Variants in LRPPRC observed in about 807,000 individuals in gnomAD.
LRPPRC encodes the protein leucine rich pentatricopeptide repeat containing, also known as leucine-rich PPR motif-containing protein, mitochondrial.
LRPPRC carries 120 observed loss-of-function variants against 180.3 expected under a neutral mutation model. That is an observed-to-expected ratio of 0.67 (90% confidence interval 0.57 to 0.77). The LOEUF is 0.77. LRPPRC is among the 30% of genes least tolerant of loss of function. LRPPRC has a pLI of 0.00. For missense variants in LRPPRC, 2,012 were observed against 1,657.2 expected, an observed-to-expected ratio of 1.21 and a Z score of -3.72; for synonymous variants, 723 against 600.0, an observed-to-expected ratio of 1.21 and a Z score of -3.00.
At chr2:43,915,218 TCTCTCTCTCTCTCTCACA>T in intron 29 of LRPPRC, among the ~76,000 whole-genome samples, 1 of 104,014 alleles carries the variant, frequency 9.6e-6, no homozygotes, top group African/African-American at 4.7e-5. Flanking sequence ...TCTCTCTCTC[TCTCTCTCTCTCTCTCACA>T]CACACACACA....
chr2:43,961,586 CTAATT>C (rs1490670340), intron 12 of LRPPRC, among the ~76,000 whole-genome samples: 2 of 152,164 alleles, frequency 1.3e-5, no homozygotes, highest in African/African-American at 4.8e-5. Flanking sequence ...CTTGTGTTCT[CTAATT>C]TATCAACAAA....
intron 19 of LRPPRC, 123 bp downstream of exon 19, chr2:43,947,608 C>A: frequency 1.4e-6 from 1 of 714,292 alleles, no homozygotes. Context: ...GTTTTACCAA[C>A]TTCTTAGAGG....
chr2:43,887,528 A>C lies in LRPPRC; in HGVS notation c.*1072T>G, dbSNP rs1040642212. ...AAGTTGGCACTGAAACTGGAACAGT[A>C]GGGAGTCACCAAATTCAAATGAACA... On this transcript the variant is annotated 3_prime_UTR_variant, in exon 38 of 38. Transcript: ENST00000260665. 2 of 152,246 alleles carry C rather than the reference A, an allele frequency of 1.3e-5. No homozygotes were observed. The highest frequency in any genetic ancestry group is 2.4e-5 in the African/African-American group (1 of 41,474). The allele number at this position is 152,246 out of a possible 1,614,324, so 9.4% of individuals were successfully genotyped here.
chr2:43,972,903 T>C (rs914351307), intron 11 of LRPPRC, among the ~76,000 whole-genome samples: 1 of 152,212 alleles, frequency 6.6e-6, no homozygotes, highest in Non-Finnish European at 1.5e-5. Context: ...GGGAAAGTAC[T>C]TCTGTTAAAA....
intron 1 of LRPPRC, among the ~76,000 whole-genome samples, chr2:43,987,057 GGATT>G (rs1358616691): frequency 3.3e-5 from 5 of 152,052 alleles, no homozygotes; most frequent in African/African-American, 1.2e-4. Flanking sequence ...TGGATCACGT[GGATT>G]GATTTTCAAA....
intron 37 of LRPPRC, 28 bp downstream of exon 37, chr2:43,889,706 T>C (rs746594599): frequency 6.3e-7 from 1 of 1,576,190 alleles, no homozygotes; most frequent in Non-Finnish European, 8.7e-7. Context: ...GCAGAGGTAT[T>C]TTTTCCCCTT....
upstream of LRPPRC, among the ~76,000 whole-genome samples, chr2:43,996,161 A>G (rs1360547286): frequency 1.3e-5 from 2 of 152,150 alleles, no homozygotes; most frequent in Non-Finnish European, 2.9e-5. Context: ...TGCTTGATTC[A>G]TTATCGAAGC....
intron 11 of LRPPRC, among the ~76,000 whole-genome samples, chr2:43,972,570 C>T (rs1326859440): frequency 1.3e-5 from 2 of 152,098 alleles, no homozygotes; most frequent in East Asian, 1.9e-4. Context: ...TTATAGGTTA[C>T]CTTTTGGAGC....
intron 5 of LRPPRC, 118 bp from the exon 6 acceptor site, chr2:43,976,347 T>A: frequency 1.5e-6 from 1 of 674,028 alleles, no homozygotes; most frequent in South Asian, 1.7e-5. Flanking sequence ...AATATACATT[T>A]GTTTTAGAAA....
chr2:43,946,847 C>T (rs1433574634), intron 20 of LRPPRC, among the ~76,000 whole-genome samples: 2 of 152,036 alleles, frequency 1.3e-5, no homozygotes, highest in African/African-American at 4.8e-5. Flanking sequence ...GCAAGGGACC[C>T]TTTATCTCAG....
chr2:43,928,704 T>A (rs1671977345), intron 25 of LRPPRC, among the ~76,000 whole-genome samples: 1 of 151,790 alleles, frequency 6.6e-6, no homozygotes, highest in African/African-American at 2.4e-5. Flanking sequence ...TGTGTTATGA[T>A]TGCACCTGTG....
At chr2:43,918,225 A>C (rs1202694375) in intron 28 of LRPPRC, 31 bp downstream of exon 28, 2 of 1,610,024 alleles carry the variant, frequency 1.2e-6, no homozygotes, top group African/African-American at 1.3e-5. Context: ...CTGACAACAA[A>C]ATCTGTTACG....
chr2:43,899,511 A>G lies in LRPPRC; in HGVS notation c.3664T>C (p.Phe1222Leu), dbSNP rs765370037. The change falls in exon 33 of 38, where the codon TTC (phenylalanine) becomes CTC (leucine). Residue 1222 changes from phenylalanine (F) to leucine (L), a missense_variant. Coordinates refer to ENST00000260665, the MANE Select transcript of LRPPRC (RefSeq NM_133259.4). ...EPQYFGLAYL[F>L]RKVIEEQLEP... ...AACTGCTCCTCTATTACTTTTCTGA[A>G]TAAGTATGCCAAGCCGAAGTATTGG... is the stretch of plus-strand genomic sequence containing the variant. 15 of 1,614,014 alleles carry G rather than the reference A, an allele frequency of 9.3e-6. No individual in the cohort carries two copies. In the Admixed American group the frequency reaches 1.0e-4, roughly 11 times the overall value.
At position 43,949,588 on chromosome 2, in the gene LRPPRC, A is replaced by C; in HGVS notation, c.1735+14T>G. On this transcript the variant is annotated intron_variant, in intron 16 of 37. Transcript: ENST00000260665. The stretch of plus-strand genomic sequence containing the variant: ...TTTGTGGATAAGTTACAATCATCGA[A>C]ATTGAAACGCTACCCGTCGGTCCTC... 1 of 1,609,152 alleles carries C rather than the reference A, an allele frequency of 6.2e-7. No homozygotes were observed. The highest frequency in any genetic ancestry group is 8.5e-7 in the Non-Finnish European group (1 of 1,175,586).
chr2:43,958,744 C>G (rs1673221840), intron 13 of LRPPRC, among the ~76,000 whole-genome samples: 1 of 152,176 alleles, frequency 6.6e-6, no homozygotes, highest in Non-Finnish European at 1.5e-5. Context: ...CTGTTCTCTA[C>G]TACCTGACAT....
At chr2:43,982,098 G>C (rs1674335282) in intron 2 of LRPPRC, 140 bp downstream of exon 2, 2 of 556,760 alleles carry the variant, frequency 3.6e-6, no homozygotes, top group East Asian at 6.1e-5. Context: ...AGTAGAAATG[G>C]GGTTTTGCCA....
chr2:43,907,727 G>A (rs1457396857), intron 30 of LRPPRC, among the ~76,000 whole-genome samples: 9 of 152,056 alleles, frequency 5.9e-5, no homozygotes, highest in Non-Finnish European at 1.3e-4. Context: ...AAAAATTATA[G>A]GGGAAAAAGA....
At chr2:43,936,516 T>C (rs1312294457) in intron 23 of LRPPRC, among the ~76,000 whole-genome samples, 3 of 152,240 alleles carry the variant, frequency 2.0e-5, no homozygotes, top group Admixed American at 1.3e-4. Context: ...AGTCCTTTTA[T>C]ACTTCCTGTT....
At chr2:43,918,792 GAT>G (rs111297590) in intron 27 of LRPPRC, among the ~76,000 whole-genome samples, 11,804 of 44,952 alleles carry the variant, frequency 0.26, 547 homozygotes, top group South Asian at 0.36. Context: ...TATATATATA[GAT>G]ATATATATAT....
Sources: allele counts gnomAD v4.1 joint callset (sites outside exome capture counted in the v4.1 genomes callset), GRCh38; gene constraint gnomAD v4.1.1; transcripts MANE v1.5; gene names NCBI Gene and HGNC (gene_info 2026-07-23, HGNC 2026-07-21).